The following CMIP variants were observed in gnomAD, a reference collection of about 807,000 sequenced individuals.
CMIP encodes c-Maf inducing protein.
A neutral mutation model predicts 97.3 loss-of-function variants in CMIP; 13 were observed. The observed-to-expected ratio is 0.13, with a 90% CI of 0.09 to 0.21. The LOEUF (loss-of-function observed/expected upper bound fraction) is 0.21, where lower values mean the gene tolerates loss of function less well. Among genes scored for constraint, CMIP ranks in the 10% least tolerant of loss-of-function variants. The pLI is 1.00. For missense variants in CMIP, 847 were observed against 1,024.9 expected, an observed-to-expected ratio of 0.83 and a Z score of 2.37; for synonymous variants, 538 against 436.3, an observed-to-expected ratio of 1.23 and a Z score of -2.91.
intron 1 of CMIP, among the ~76,000 whole-genome samples, chr16:81,512,943 C>G (rs998167997): frequency 5.3e-5 from 8 of 152,114 alleles, no homozygotes; most frequent in Non-Finnish European, 1.0e-4. Context: ...CTCCATGTTG[C>G]CCAAGCTGGT....
At chr16:81,665,335 A>G (rs922787365) in intron 7 of CMIP, 1 of 152,228 alleles carries the variant, frequency 6.6e-6, no homozygotes, top group Non-Finnish European at 1.5e-5. Context: ...GACCACAGGT[A>G]GGAATAAGAA....
At chr16:81,471,354 A>G (rs1287584349) in intron 1 of CMIP, among the ~76,000 whole-genome samples, 1 of 152,166 alleles carries the variant, frequency 6.6e-6, no homozygotes, top group Non-Finnish European at 1.5e-5. Context: ...AGGTGCACAC[A>G]TATGTATACA....
rs537622067 is a variant in CMIP, at chr16:81,627,529, C to G, written c.477+6603C>G. On this transcript the variant is annotated intron_variant, in intron 3 of 20. Transcript: ENST00000537098. The surrounding 1 kb of genome is among the most constrained non-coding windows in gnomAD (Gnocchi z 4.6). ...CCCTTCCAGCCTCCACAGGTGGTCC[C>G]GGCTGACTCATGGCCTGGGAGGGCT... is the stretch of plus-strand genomic sequence containing the variant. Among the ~76,000 whole-genome samples, 1 of 141,206 alleles carries G rather than the reference C, an allele frequency of 7.1e-6. No homozygotes were observed. The highest frequency in any genetic ancestry group is 1.6e-5 in the Non-Finnish European group (1 of 64,044). 92.6% of individuals were successfully genotyped at this position (141,206 alleles called of 152,430 possible). A position where few individuals can be genotyped will look rare whatever the true frequency, so the allele number is the denominator to read the frequency against.
At chr16:81,609,287 G>A (rs1323408969) in intron 2 of CMIP, among the ~76,000 whole-genome samples, 1 of 150,896 alleles carries the variant, frequency 6.6e-6, no homozygotes, top group Non-Finnish European at 1.5e-5. Flanking sequence ...ACTTCTGCCA[G>A]CTCCTCTGCC....
At chr16:81,512,133 C>A (rs1597490621) in intron 1 of CMIP, among the ~76,000 whole-genome samples, 1 of 152,136 alleles carries the variant, frequency 6.6e-6, no homozygotes, top group South Asian at 2.1e-4. Context: ...AATGTGGCTA[C>A]TAGAATATTT....
intron 1 of CMIP, among the ~76,000 whole-genome samples, chr16:81,605,883 A>C (rs2091735777): frequency 6.6e-6 from 1 of 152,224 alleles, no homozygotes. Flanking sequence ...AAGTTCAGTA[A>C]ATGTCTGTCA....
intron 1 of CMIP, among the ~76,000 whole-genome samples, chr16:81,470,155 A>C (rs578206569): frequency 6.6e-6 from 1 of 152,358 alleles, no homozygotes; most frequent in East Asian, 1.9e-4. Context: ...GTTTAAAGAG[A>C]ATTTCAAAAG....
At chr16:81,670,393 T>C in intron 8 of CMIP, 148 bp downstream of exon 8, 1 of 805,180 alleles carries the variant, frequency 1.2e-6, no homozygotes, top group Non-Finnish European at 2.0e-6. Context: ...CGGTGCCCGA[T>C]AGGAACTCGG....
rs772784969 is a variant in CMIP, at chr16:81,702,646, C to G, written c.1921C>G (p.Leu641Val). ...GCAAAGGAAAGGCGGGCCCACCAGGCTAACACTGCCCTCCAAGTCCACAGT... is the reference window on the plus strand; with the variant it reads ...GCAAAGGAAAGGCGGGCCCACCAGGGTAACACTGCCCTCCAAGTCCACAGT... ...ELQRKGGPTR[L>V]TLPSKSTDAD... The change falls in exon 17 of 21, where the codon CTA becomes GTA. Residue 641 changes from leucine to valine, a missense_variant. This residue lies in a region of CMIP where 266 missense variants were observed against 384.2 expected (regional missense o/e 0.69). Coordinates refer to ENST00000537098, the MANE Select transcript of CMIP (RefSeq NM_198390.3). 4.3e-6 allele frequency: 7 copies of G among 1,613,608 alleles called. No individual in the cohort carries two copies. Among genetic ancestry groups the G allele is most frequent in the Non-Finnish European group, 5.9e-6 (7 of 1,179,700 alleles).
intron 1 of CMIP, among the ~76,000 whole-genome samples, chr16:81,467,549 C>T (rs1907277739): frequency 6.6e-6 from 1 of 151,764 alleles, no homozygotes; most frequent in Admixed American, 6.6e-5. Context: ...CTGGCCTCTT[C>T]TCTTTTGCTC....
chr16:81,461,081 A>G (rs1271825191), intron 1 of CMIP, among the ~76,000 whole-genome samples: 1 of 152,208 alleles, frequency 6.6e-6, no homozygotes, highest in African/African-American at 2.4e-5. Flanking sequence ...GGTGTTTTAC[A>G]ACTAAGGCCA....
At chr16:81,707,994 C>T (rs1466948052) in intron 20 of CMIP, among the ~76,000 whole-genome samples, 1 of 152,286 alleles carries the variant, frequency 6.6e-6, no homozygotes, top group East Asian at 1.9e-4. Context: ...GGCGTGCTCA[C>T]TGGGGCATCC....
intron 1 of CMIP, among the ~76,000 whole-genome samples, chr16:81,546,871 C>A (rs568296942): frequency 6.6e-5 from 10 of 152,286 alleles, no homozygotes; most frequent in African/African-American, 2.4e-4. Context: ...AGGCACGTAG[C>A]CACACTTCAG....
At chr16:81,447,609 G>C (rs1905940622) in intron 1 of CMIP, among the ~76,000 whole-genome samples, 1 of 152,234 alleles carries the variant, frequency 6.6e-6, no homozygotes, top group Admixed American at 6.5e-5. Context: ...CTTATCCATG[G>C]AGCAAGATTC....
At chr16:81,561,800 T>C (rs12929809) in intron 1 of CMIP, among the ~76,000 whole-genome samples, 61,760 of 152,126 alleles carry the variant, frequency 0.41, 14,145 homozygotes, top group Non-Finnish European at 0.51. Flanking sequence ...AGCAATAAAG[T>C]TGAAAATTCA....
At chr16:81,526,425 A>G (rs970361436) in intron 1 of CMIP, among the ~76,000 whole-genome samples, 7 of 152,224 alleles carry the variant, frequency 4.6e-5, no homozygotes, top group Admixed American at 1.3e-4. Context: ...GGGTGTTTGC[A>G]TATTTCATTC....
rs536286430 is a variant in CMIP at position 81,650,661 on chromosome 16, A to C, written c.478-1542A>C. Among the ~76,000 whole-genome samples the C allele has an allele frequency of 5.9e-5, 9 of 152,290 alleles. No individual in the cohort carries two copies. In the East Asian group the frequency reaches 1.7e-3, roughly 29 times the overall value. The stretch of plus-strand genomic sequence containing the variant: ...CATCTCCTTCAGTTTTTCAAGAGAC[A>C]GATTCAGTCTCAGCGTTCCTTTTTG... On this transcript the variant is annotated intron_variant, in intron 3 of 20. Coordinates refer to ENST00000537098, the MANE Select transcript of CMIP (RefSeq NM_198390.3).
chr16:81,494,603 C>T (rs1275924055), intron 1 of CMIP, among the ~76,000 whole-genome samples: 1 of 152,156 alleles, frequency 6.6e-6, no homozygotes, highest in Non-Finnish European at 1.5e-5. Flanking sequence ...TGAGGAGGCA[C>T]CTGTGGGCAT....
chr16:81,516,655 G>A (rs1301920614), intron 1 of CMIP, among the ~76,000 whole-genome samples: 4 of 152,210 alleles, frequency 2.6e-5, no homozygotes, highest in Non-Finnish European at 4.4e-5. Flanking sequence ...GGATTGGCTT[G>A]CTCTGGGCTG....
Sources: allele counts gnomAD v4.1 joint callset (sites outside exome capture counted in the v4.1 genomes callset), GRCh38; gene constraint gnomAD v4.1.1; regional missense constraint gnomAD v4.1.1; non-coding constraint Gnocchi (gnomAD v3.1); transcripts MANE v1.5; gene names NCBI Gene and HGNC (gene_info 2026-07-23, HGNC 2026-07-21).